CCDC88B: variants seen among roughly 807,000 people sequenced by gnomAD.
The protein encoded by CCDC88B is coiled-coil and HOOK domain protein 88B, also known as coiled-coil domain-containing protein 88B.
In CCDC88B, 138 loss-of-function variants were observed where a neutral mutation model predicts 183.7. The ratio of observed to expected loss-of-function variants is 0.75; its 90% CI spans 0.65 to 0.87. The LOEUF (loss-of-function observed/expected upper bound fraction) is 0.87, where lower values mean the gene tolerates loss of function less well. CCDC88B is among the 40% of genes least tolerant of loss of function. CCDC88B has a pLI of 0.00. For synonymous variants in CCDC88B, 835 were observed against 867.5 expected, an observed-to-expected ratio of 0.96 and a Z score of 0.66; for missense variants, 1,822 against 1,965.6, an observed-to-expected ratio of 0.93 and a Z score of 1.38.
chr11:64,342,202 C>A (rs2035894641), intron 8 of CCDC88B, 63 bp downstream of exon 8: 11 of 1,589,392 alleles, frequency 6.9e-6, no homozygotes, highest in Non-Finnish European at 9.4e-6. Flanking sequence ...CTGGATGGGA[C>A]CCTAGCCCTG....
At position 64,349,373 on chromosome 11, in the gene CCDC88B, C is replaced by T. The variant is rs149017597; in HGVS notation, c.2659C>T (p.Arg887Trp). Residue 887 changes from arginine (R) to tryptophan (W), a missense_variant, in exon 15 of 27, where the codon CGG becomes TGG. Transcript: ENST00000356786. ...GGTGCGGGGCAAGGAGTTGGGGGAC[C>T]GGCTGGAGCATTTGCAGCGTGAGCT... is the stretch of plus-strand genomic sequence containing the variant. Reference protein sequence around the residue: ...AVVRGKELGDRLEHLQRELEQ... With the variant: ...AVVRGKELGDWLEHLQRELEQ... The T allele has an allele frequency of 2.1e-3, 3,340 of 1,612,832 alleles. 11 individuals carry two copies. Among genetic ancestry groups the T allele is most frequent in the South Asian group, 5.7e-3 (515 of 90,944 alleles).
intron 24 of CCDC88B, among the ~76,000 whole-genome samples, chr11:64,354,693 C>G (rs1398219678): frequency 2.0e-5 from 1 of 50,498 alleles, no homozygotes; most frequent in South Asian, 1.1e-3. Flanking sequence ...GAGCCTCCGC[C>G]CCCCCCCTCT....
At position 64,354,076 on chromosome 11, in the gene CCDC88B, G is replaced by T. The variant is rs775777189; in HGVS notation, c.4005G>T (p.Gly1335=). Reference sequence around the variant, plus strand: ...GGCGGGAGGGGGGCCCCCCTGGGGGGCTGCGCCTGGGGGCCGATGGGGCTG... The same window carrying T: ...GGCGGGAGGGGGGCCCCCCTGGGGGTCTGCGCCTGGGGGCCGATGGGGCTG... ...RPRREGGPPG[G]LRLGADGAGS... The change falls in exon 24 of 27, where the codon GGG becomes GGT. Residue 1335 remains glycine (G), a synonymous_variant. Coordinates refer to ENST00000356786, the MANE Select transcript of CCDC88B (RefSeq NM_032251.6). 5 of 1,436,632 alleles carry T rather than the reference G, an allele frequency of 3.5e-6. No individual in the cohort carries two copies. The highest frequency in any genetic ancestry group is 4.6e-6 in the Non-Finnish European group (5 of 1,090,188). 89.0% of individuals were successfully genotyped at this position (1,436,632 alleles called of 1,614,324 possible).
Position 64,340,809 on chromosome 11 carries a change from G to A in CCDC88B, c.206+57G>A, listed in dbSNP as rs2035807267. The A allele has an allele frequency of 2.3e-5, 36 of 1,557,094 alleles. 1 individual carries two copies. Among genetic ancestry groups the A allele is most frequent in the Middle Eastern group, 3.9e-4 (2 of 5,166 alleles). ...GAAGGATCTGAGAGGAGGGGAAGCG[G>A]GTGGGCGGAGCCTGATGCTCAGTGG... On this transcript the variant is annotated intron_variant, in intron 2 of 26. Coordinates refer to ENST00000356786, the MANE Select transcript of CCDC88B (RefSeq NM_032251.6).
At position 64,351,525 on chromosome 11, in the gene CCDC88B, A is replaced by G; in HGVS notation, c.3008A>G (p.His1003Arg). 1 of 1,578,828 alleles carries G rather than the reference A, an allele frequency of 6.3e-7. No homozygotes were observed. Among genetic ancestry groups the G allele is most frequent in the South Asian group, 1.1e-5 (1 of 87,924 alleles). The part of the protein sequence containing the change: ...EKAALQGQLQ[H>R]LEGQLGSLQG... ...GCAGCTTTGCAGGGGCAGCTGCAGCACCTGGAGGGGCAGCTGGGGAGCCTG... is the reference window on the plus strand; with the variant it reads ...GCAGCTTTGCAGGGGCAGCTGCAGCGCCTGGAGGGGCAGCTGGGGAGCCTG... The change falls in exon 18 of 27, where the codon CAC becomes CGC. Residue 1003 changes from histidine (H) to arginine (R), a missense_variant. Coordinates refer to ENST00000356786, the MANE Select transcript of CCDC88B (RefSeq NM_032251.6).
At position 64,340,705 on chromosome 11, in the gene CCDC88B, C is replaced by A; in HGVS notation, c.159C>A (p.Phe53Leu). The A allele has an allele frequency of 1.2e-6, 2 of 1,612,682 alleles. No individual in the cohort carries two copies. The highest frequency in any genetic ancestry group is 1.7e-6 in the Non-Finnish European group (2 of 1,179,814). Residue 53 changes from phenylalanine (F) to leucine (L), a missense_variant, in exon 2 of 27, where the codon TTC becomes TTA. Coordinates refer to ENST00000356786, the MANE Select transcript of CCDC88B (RefSeq NM_032251.6). ...EEPPLWLEKR[F>L]LRLSDGALLL... is the part of the protein sequence containing the mutation. ...CGCCCCTTTGGTTGGAGAAGAGATT[C>A]CTGCGCCTCAGCGATGGGGCCCTGC...
intron 26 of CCDC88B, chr11:64,356,701 T>TA: frequency 2.6e-6 from 1 of 385,186 alleles, no homozygotes; most frequent in Non-Finnish European, 4.7e-6. Flanking sequence ...CAGGAGGCGC[T>TA]AATGCTCTGG....
chr11:64,343,260 G>A lies in CCDC88B; in HGVS notation c.1144G>A (p.Ala382Thr). The change falls in exon 11 of 27, where the codon GCC (alanine) becomes ACC (threonine). Residue 382 changes from alanine (A) to threonine (T), a missense_variant. Transcript: ENST00000356786. ...EQLEAARERCARLHETQRENL... is the reference protein window; with the variant it reads ...EQLEAARERCTRLHETQRENL... ...GCTGGAGGCTGCCCGAGAGCGCTGC[G>A]CCCGGCTGCACGAGACCCAGCGCGA... 3 of 1,548,990 alleles carry A rather than the reference G, an allele frequency of 1.9e-6. No homozygotes were observed. The highest frequency in any genetic ancestry group is 2.4e-5 in the South Asian group (2 of 84,028).
chr11:64,345,867 C>T (rs1171949017), intron 14 of CCDC88B, among the ~76,000 whole-genome samples: 4 of 152,074 alleles, frequency 2.6e-5, no homozygotes, highest in African/African-American at 7.2e-5. Flanking sequence ...ATCAGCCAGG[C>T]GTGGTGGCAG....
chr11:64,346,208 T>C (rs1011613625), intron 14 of CCDC88B, among the ~76,000 whole-genome samples: 2 of 152,094 alleles, frequency 1.3e-5, no homozygotes, highest in African/African-American at 4.8e-5. Context: ...GCAGTAGCCA[T>C]GGTGTAAGTG....
rs201011301 is a variant in CCDC88B at position 64,341,591 on chromosome 11, C to T, written c.532-8C>T. On this transcript the variant is annotated splice_polypyrimidine_tract_variant and splice_region_variant and intron_variant, in intron 6 of 26. Transcript: ENST00000356786. ...GGCTTCCACTGAACTGCTCTTCCTGCGCCCCAGGTGACCCAGCCGGGGGCC... is the reference window on the plus strand; with the variant it reads ...GGCTTCCACTGAACTGCTCTTCCTGTGCCCCAGGTGACCCAGCCGGGGGCC... 119 of 1,601,974 alleles carry T rather than the reference C, an allele frequency of 7.4e-5. No homozygotes were observed. Among genetic ancestry groups the T allele is most frequent in the Non-Finnish European group, 9.3e-5 (109 of 1,173,452 alleles).
chr11:64,341,296 GTTC>G lies in CCDC88B; in HGVS notation c.419_421del (p.Leu140del), dbSNP rs1250837051. The G allele has an allele frequency of 6.2e-7, 1 of 1,614,000 alleles. No homozygotes were observed. Among genetic ancestry groups the G allele is most frequent in the Admixed American group, 1.7e-5 (1 of 60,006 alleles). The stretch of plus-strand genomic sequence containing the variant: ...AGAAGCGGTGGAGCAGCTGGAAGGC[GTTC>G]TTCGGCTACTGTTGGGAGCGTCAGT... On this transcript the variant is annotated inframe_deletion, in exon 5 of 27. Transcript: ENST00000356786.
At position 64,345,104 on chromosome 11, in the gene CCDC88B, C is replaced by A; in HGVS notation, c.2563C>A (p.Gln855Lys). Reference sequence around the variant, plus strand: ...GCAGGTGCTGGAGAGCGAGGGCCGCCAGCACTTGGAGGAGGCTGAGAGGGA... The same window carrying A: ...GCAGGTGCTGGAGAGCGAGGGCCGCAAGCACTTGGAGGAGGCTGAGAGGGA... Reference protein sequence around the residue: ...RMQVLESEGRQHLEEAERERR... With the variant: ...RMQVLESEGRKHLEEAERERR... Residue 855 changes from glutamine to lysine, a missense_variant, in exon 14 of 27, where the codon CAG becomes AAG. Gln to Lys is a moderately conservative substitution (Grantham distance 53). Coordinates refer to ENST00000356786, the MANE Select transcript of CCDC88B (RefSeq NM_032251.6). 6.4e-7 allele frequency: 1 copy of A among 1,551,238 alleles called. No individual in the cohort carries two copies. The highest frequency in any genetic ancestry group is 8.7e-7 in the Non-Finnish European group (1 of 1,151,872).
chr11:64,349,885 G>A (rs1473654423), intron 16 of CCDC88B: 1 of 594,302 alleles, frequency 1.7e-6, no homozygotes, highest in East Asian at 2.8e-5. Context: ...TTCTGCACAT[G>A]GACAGAACTT....
chr11:64,351,176 C>A lies in CCDC88B; in HGVS notation c.2879C>A (p.Ala960Glu), dbSNP rs74794644. The A allele has an allele frequency of 2.0e-6, 3 of 1,491,160 alleles. No individual in the cohort carries two copies. The highest frequency in any genetic ancestry group is 1.8e-6 in the Non-Finnish European group (2 of 1,123,364). 92.4% of individuals were successfully genotyped at this position (1,491,160 alleles called of 1,614,324 possible). Reference protein sequence around the residue: ...EELFQLRQGPAGLGPKKRAEP... With the variant: ...EELFQLRQGPEGLGPKKRAEP... The stretch of plus-strand genomic sequence containing the variant: ...TCCTTGCAGCTGCGCCAGGGCCCCG[C>A]GGGGCTGGGGCCCAAAAAGCGTGCG... The change falls in exon 17 of 27, where the codon GCG (alanine) becomes GAG (glutamate). Residue 960 changes from alanine to glutamate, a missense_variant. Transcript: ENST00000356786.
chr11:64,344,592 A>C lies in CCDC88B; in HGVS notation c.2051A>C (p.Gln684Pro). The change falls in exon 14 of 27, where the codon CAG becomes CCG. Residue 684 changes from glutamine (Q) to proline (P), a missense_variant. Gln to Pro is a moderately conservative substitution (Grantham distance 76). Transcript: ENST00000356786. This position sits in a 1 kb window ranked among gnomAD's most constrained non-coding sequence, Gnocchi z 4.5. ...TGQAEAREHDQRLEGTVRDPA... is the reference protein window; with the variant it reads ...TGQAEAREHDPRLEGTVRDPA... Reference sequence around the variant, plus strand: ...CAAGCAGAGGCCAGAGAGCATGACCAGAGGCTGGAAGGGACGGTCAGGGAC... The same window carrying C: ...CAAGCAGAGGCCAGAGAGCATGACCCGAGGCTGGAAGGGACGGTCAGGGAC... 6.2e-7 allele frequency: 1 copy of C among 1,610,612 alleles called. No homozygotes were observed. Among genetic ancestry groups the C allele is most frequent in the Non-Finnish European group, 8.5e-7 (1 of 1,178,412 alleles).
At chr11:64,348,761 G>T (rs552448631) in intron 14 of CCDC88B, 2 of 541,114 alleles carry the variant, frequency 3.7e-6, no homozygotes, top group South Asian at 4.6e-5. Flanking sequence ...GGGGCACACA[G>T]GCCAGAATGG....
intron 14 of CCDC88B, chr11:64,348,745 C>T: frequency 2.1e-6 from 1 of 477,398 alleles, no homozygotes; most frequent in Non-Finnish European, 3.7e-6. Flanking sequence ...TGGTCTCCCT[C>T]CCTCTGGGGC....
At chr11:64,351,295 G>C in intron 17 of CCDC88B, 40 bp downstream of exon 17, 1 of 1,497,930 alleles carries the variant, frequency 6.7e-7, no homozygotes, top group South Asian at 1.3e-5. Context: ...GAGGTGCCCC[G>C]TGCAGTGTGA....
Sources: allele counts gnomAD v4.1 joint callset (sites outside exome capture counted in the v4.1 genomes callset), GRCh38; gene constraint gnomAD v4.1.1; non-coding constraint Gnocchi (gnomAD v3.1); transcripts MANE v1.5; gene names NCBI Gene and HGNC (gene_info 2026-07-23, HGNC 2026-07-21).